The following CLSTN2 variants were observed in gnomAD, a reference collection of about 807,000 sequenced individuals.
The protein encoded by CLSTN2 is calsyntenin-2.
In CLSTN2, 48 loss-of-function variants were observed where a neutral mutation model predicts 101.2. The ratio of observed to expected loss-of-function variants is 0.47; its 90% CI spans 0.38 to 0.60. CLSTN2 has a LOEUF of 0.60. Ranked by LOEUF, CLSTN2 falls within the 20% of genes least tolerant of loss-of-function variation. The pLI is 0.00. For synonymous variants in CLSTN2, 481 were observed against 463.6 expected, an observed-to-expected ratio of 1.04 and a Z score of -0.48; for missense variants, 1,160 against 1,238.2, an observed-to-expected ratio of 0.94 and a Z score of 0.95.
intron 2 of CLSTN2, among the ~76,000 whole-genome samples, chr3:140,231,536 T>A (rs759818429): frequency 1.3e-5 from 2 of 152,138 alleles, no homozygotes; most frequent in Non-Finnish European, 2.9e-5. Context: ...GGTTGCCCAT[T>A]ATAGCTCATC....
intron 2 of CLSTN2, among the ~76,000 whole-genome samples, chr3:140,317,053 G>A (rs2087237646): frequency 6.6e-6 from 1 of 152,130 alleles, no homozygotes; most frequent in Admixed American, 6.6e-5. Flanking sequence ...ATAATAAAGT[G>A]AATCATCAGA....
chr3:140,332,100 G>T (rs572576550), intron 2 of CLSTN2, among the ~76,000 whole-genome samples: 15 of 152,300 alleles, frequency 9.8e-5, no homozygotes, highest in Non-Finnish European at 1.6e-4. Flanking sequence ...CTGGGAGCCG[G>T]GGCAGGGTCC....
intron 2 of CLSTN2, among the ~76,000 whole-genome samples, chr3:140,316,008 C>G (rs888693833): frequency 6.6e-6 from 1 of 151,856 alleles, no homozygotes; most frequent in African/African-American, 2.4e-5. Flanking sequence ...GTGCATTTAC[C>G]CTTGTTCTAA....
chr3:140,449,762 TTTATCACAG>T (rs1933195824), intron 6 of CLSTN2: 1 of 152,200 alleles, frequency 6.6e-6, no homozygotes. Context: ...AAGGGAACTT[TTTATCACAG>T]GCATTCTGTT....
At chr3:139,947,189 G>T (rs1386202749) in intron 1 of CLSTN2, among the ~76,000 whole-genome samples, 2 of 152,166 alleles carry the variant, frequency 1.3e-5, no homozygotes, top group East Asian at 3.9e-4. Context: ...TAATGATAAA[G>T]CATGAAATCT....
At chr3:140,108,797 AT>A (rs1440184527) in intron 1 of CLSTN2, among the ~76,000 whole-genome samples, 3 of 152,206 alleles carry the variant, frequency 2.0e-5, no homozygotes, top group African/African-American at 7.2e-5. Flanking sequence ...CTCTTTGGAC[AT>A]GGCCACTTTA....
At chr3:140,370,587 AAGG>A (rs2087841664) in intron 2 of CLSTN2, among the ~76,000 whole-genome samples, 1 of 152,104 alleles carries the variant, frequency 6.6e-6, no homozygotes, top group Non-Finnish European at 1.5e-5. Flanking sequence ...TTTCAAGAAG[AAGG>A]AGATGACCCC....
chr3:140,238,730 T>C (rs1430637001), intron 2 of CLSTN2, among the ~76,000 whole-genome samples: 4 of 152,206 alleles, frequency 2.6e-5, no homozygotes, highest in Non-Finnish European at 5.9e-5. Context: ...TTAAGCACTG[T>C]GCCTTCTCAG....
At chr3:140,052,152 G>T (rs1407923054) in intron 1 of CLSTN2, among the ~76,000 whole-genome samples, 1 of 152,096 alleles carries the variant, frequency 6.6e-6, no homozygotes. Flanking sequence ...AAATATTTCT[G>T]TTATTATTTA....
intron 8 of CLSTN2, chr3:140,505,658 A>G (rs1398616084): frequency 2.0e-5 from 3 of 152,226 alleles, no homozygotes; most frequent in Admixed American, 6.5e-5. Flanking sequence ...TCACTGAGAT[A>G]TGAGATATGT....
chr3:139,968,638 A>G (rs949958160), intron 1 of CLSTN2, among the ~76,000 whole-genome samples: 2 of 152,208 alleles, frequency 1.3e-5, no homozygotes, highest in Non-Finnish European at 2.9e-5. Context: ...ACTATTCTTT[A>G]TACATTACCC....
chr3:139,961,132 A>G (rs1178432051), intron 1 of CLSTN2, among the ~76,000 whole-genome samples: 6 of 152,148 alleles, frequency 3.9e-5, no homozygotes, highest in Admixed American at 3.3e-4. Flanking sequence ...TCTATTGTTC[A>G]CATAGGGAAG....
chr3:140,143,451 G>A (rs550946331), intron 1 of CLSTN2, among the ~76,000 whole-genome samples: 84 of 152,252 alleles, frequency 5.5e-4, no homozygotes, highest in Non-Finnish European at 9.4e-4. Context: ...GCTCTCAATG[G>A]ATGGAAAATG....
At chr3:140,426,410 G>A (rs774688006) in intron 5 of CLSTN2, among the ~76,000 whole-genome samples, 3 of 152,206 alleles carry the variant, frequency 2.0e-5, no homozygotes, top group Non-Finnish European at 2.9e-5. Context: ...AGTTTGCTGA[G>A]GATAATGGTT....
At chr3:140,429,825 C>A (rs1476770374) in intron 5 of CLSTN2, among the ~76,000 whole-genome samples, 6 of 152,066 alleles carry the variant, frequency 3.9e-5, no homozygotes. Flanking sequence ...GATTTGCAGG[C>A]AAATCTCATG....
intron 1 of CLSTN2, among the ~76,000 whole-genome samples, chr3:140,029,340 AAAT>A (rs2007498249): frequency 6.6e-6 from 1 of 152,072 alleles, no homozygotes; most frequent in Non-Finnish European, 1.5e-5. Flanking sequence ...AAGATAGCAA[AAAT>A]AATGAGTTTT....
intron 1 of CLSTN2, among the ~76,000 whole-genome samples, chr3:139,996,111 T>C (rs2006650686): frequency 6.6e-6 from 1 of 152,218 alleles, no homozygotes; most frequent in Non-Finnish European, 1.5e-5. Context: ...GTGATTATTA[T>C]TATCTTGTTC....
chr3:140,525,530 C>T (rs1012331393), intron 8 of CLSTN2, among the ~76,000 whole-genome samples: 6 of 152,146 alleles, frequency 3.9e-5, no homozygotes, highest in Admixed American at 2.0e-4. Context: ...CCTACTGAAA[C>T]TATTCCAAAA....
intron 1 of CLSTN2, among the ~76,000 whole-genome samples, chr3:140,054,105 C>A (rs1467877838): frequency 1.3e-5 from 2 of 152,018 alleles, no homozygotes; most frequent in Non-Finnish European, 2.9e-5. Flanking sequence ...CTGGTGGTGA[C>A]CAAAGGTACT....
Sources: allele counts gnomAD v4.1 joint callset (sites outside exome capture counted in the v4.1 genomes callset), GRCh38; gene constraint gnomAD v4.1.1; transcripts MANE v1.5; gene names NCBI Gene and HGNC (gene_info 2026-07-23, HGNC 2026-07-21).